Variants in SOS1 observed in about 807,000 individuals in gnomAD.
The protein encoded by SOS1 is SOS Ras/Rac guanine nucleotide exchange factor 1, also known as son of sevenless homolog 1.
In SOS1, 25 loss-of-function variants were observed where a neutral mutation model predicts 157.6. The ratio of observed to expected loss-of-function variants is 0.16; its 90% CI spans 0.12 to 0.22. The LOEUF (loss-of-function observed/expected upper bound fraction) is 0.22. Ranked by LOEUF, SOS1 falls within the 10% of genes least tolerant of loss-of-function variation. The pLI is 1.00. For missense variants in SOS1, 1,237 were observed against 1,599.1 expected, an observed-to-expected ratio of 0.77 and a Z score of 3.86; for synonymous variants, 528 against 534.0, an observed-to-expected ratio of 0.99 and a Z score of 0.16.
intron 8 of SOS1, among the ~76,000 whole-genome samples, chr2:39,026,543 G>A: frequency 6.6e-6 from 1 of 152,130 alleles, no homozygotes; most frequent in East Asian, 1.9e-4. Flanking sequence ...CCAATGGCCA[G>A]GGTTCATAAA....
chr2:39,046,216 T>C (rs1392613037), intron 6 of SOS1, among the ~76,000 whole-genome samples: 2 of 152,272 alleles, frequency 1.3e-5, no homozygotes. Flanking sequence ...TCCCTATCTG[T>C]ACATTATAAG....
At chr2:39,116,900 C>A (rs146769417) in intron 1 of SOS1, among the ~76,000 whole-genome samples, 1 of 152,198 alleles carries the variant, frequency 6.6e-6, no homozygotes, top group East Asian at 1.9e-4. Flanking sequence ...CTTCTAATTA[C>A]CCAAGAAAAA....
At chr2:39,038,774 C>T (rs1319805995) in intron 6 of SOS1, among the ~76,000 whole-genome samples, 5 of 131,186 alleles carry the variant, frequency 3.8e-5, no homozygotes, top group African/African-American at 1.4e-4. Context: ...GGAACCTACT[C>T]CTGGTGAAAA....
chr2:39,080,100 TAATAA>T (rs1672149773), intron 1 of SOS1, among the ~76,000 whole-genome samples: 1 of 152,020 alleles, frequency 6.6e-6, no homozygotes, highest in African/African-American at 2.4e-5. Flanking sequence ...TTGTAATATA[TAATAA>T]AATAATTATA....
At chr2:38,997,692 A>G (rs989370367) in intron 17 of SOS1, among the ~76,000 whole-genome samples, 5 of 151,676 alleles carry the variant, frequency 3.3e-5, no homozygotes, top group African/African-American at 1.2e-4. Context: ...TTTTTTAGAA[A>G]GACTTAAATT....
At chr2:39,067,846 C>T (rs193175780) in intron 1 of SOS1, 93 bp from the exon 2 acceptor site, 97 of 1,143,918 alleles carry the variant, frequency 8.5e-5, no homozygotes, top group African/African-American at 3.8e-4. Flanking sequence ...TGGCCGGGCA[C>T]GGTGGCTCAT....
chr2:39,047,064 C>T (rs190796894), intron 6 of SOS1, among the ~76,000 whole-genome samples: 23 of 152,226 alleles, frequency 1.5e-4, no homozygotes, highest in African/African-American at 5.1e-4. Context: ...GTAACCACCA[C>T]CCAGATAAAG....
chr2:39,044,864 G>GCACACACACACACA (rs59580960), intron 6 of SOS1, among the ~76,000 whole-genome samples: 12 of 147,660 alleles, frequency 8.1e-5, no homozygotes, highest in Non-Finnish European at 1.8e-4. Context: ...GCGCGCGCGC[G>GCACACACACACACA]CACACACACA....
intron 19 of SOS1, among the ~76,000 whole-genome samples, 191 bp from the exon 20 acceptor site, chr2:38,995,578 A>G (rs1034616242): frequency 6.4e-4 from 98 of 152,212 alleles, no homozygotes; most frequent in Non-Finnish European, 1.9e-4. Flanking sequence ...CTGGTATCTA[A>G]ATTGTTAAAG....
chr2:39,004,745 A>C (rs1669229574), intron 17 of SOS1, among the ~76,000 whole-genome samples: 1 of 152,190 alleles, frequency 6.6e-6, no homozygotes, highest in Admixed American at 6.5e-5. Context: ...GGAGATACGA[A>C]AAATGACATG....
chr2:39,087,232 T>C (rs1672413594), intron 1 of SOS1, among the ~76,000 whole-genome samples: 1 of 152,208 alleles, frequency 6.6e-6, no homozygotes, highest in Non-Finnish European at 1.5e-5. Flanking sequence ...AGATAAATCA[T>C]ATTAATTAGT....
At chr2:39,096,480 G>GTAAAA (rs1672766182) in intron 1 of SOS1, among the ~76,000 whole-genome samples, 2 of 152,138 alleles carry the variant, frequency 1.3e-5, no homozygotes, top group African/African-American at 2.4e-5. Context: ...TTACTTTGGT[G>GTAAAA]TAAAATAATC....
chr2:39,022,471 T>G (rs1669828423), intron 10 of SOS1, 99 bp downstream of exon 10: 2 of 893,386 alleles, frequency 2.2e-6, no homozygotes, highest in South Asian at 2.8e-5. Context: ...TCTTTGGTTG[T>G]TAGTTTCTTT....
At position 39,093,261 on chromosome 2, in the gene SOS1, T is replaced by G. The variant is rs190823401; in HGVS notation, c.88-25508A>C. ...CTTTCCTATTTCTATCATATTTTCC[T>G]GAAATGCATGATCATCTATGTGGTT... On this transcript the variant is annotated intron_variant, in intron 1 of 22. Transcript: ENST00000402219. Among the ~76,000 whole-genome samples, 260 of 152,336 alleles carry G rather than the reference T, an allele frequency of 1.7e-3. 2 individuals are homozygous for G. The highest frequency in any genetic ancestry group is 0.014 in the Middle Eastern group (4 of 294).
intron 13 of SOS1, 25 bp from the exon 14 acceptor site, chr2:39,012,373 A>T: frequency 3.8e-6 from 4 of 1,048,672 alleles, no homozygotes; most frequent in African/African-American, 1.6e-5. Context: ...ATTTTAAATA[A>T]CATTTAAATA....
rs1669578853 is a variant in SOS1 at position 39,014,791 on chromosome 2, T to C, written c.1914A>G (p.Gln638=). 6.3e-7 allele frequency: 1 copy of C among 1,594,782 alleles called. No individual in the cohort carries two copies. The highest frequency in any genetic ancestry group is 1.1e-5 in the South Asian group (1 of 90,424). The part of the protein sequence containing the change: ...LTTYRSFCKP[Q]ELLSLIIERF... ...TTTCTATTATAAGACTCAGTAGTTC[T>C]TGAGGTTTGCAAAAGGATCTGTATG... Residue 638 remains glutamine (Q), a synonymous_variant, in exon 11 of 23, where the codon CAA becomes CAG. Transcript: ENST00000402219.
chr2:39,021,119 A>T (rs1239768223), intron 10 of SOS1, among the ~76,000 whole-genome samples: 3 of 151,712 alleles, frequency 2.0e-5, no homozygotes, highest in African/African-American at 7.2e-5. Flanking sequence ...CTAAAAATTG[A>T]TATAGAAAAG....
intron 8 of SOS1, among the ~76,000 whole-genome samples, chr2:39,030,442 T>C (rs1196820812): frequency 6.6e-6 from 1 of 151,946 alleles, no homozygotes; most frequent in Non-Finnish European, 1.5e-5. Context: ...TGGTAGTGCA[T>C]GCCTGTAGTC....
chr2:39,101,139 C>A (rs1416879218), intron 1 of SOS1, among the ~76,000 whole-genome samples: 2 of 152,174 alleles, frequency 1.3e-5, no homozygotes, highest in Non-Finnish European at 2.9e-5. Flanking sequence ...CCAATCATGG[C>A]AGAGCCAAAG....
Sources: gnomAD v4.1 joint callset for allele counts (sites outside exome capture counted in the v4.1 genomes callset) on GRCh38, gnomAD v4.1.1 for gene constraint, MANE v1.5 for transcripts, NCBI Gene and HGNC (gene_info 2026-07-23, HGNC 2026-07-21) for gene names.